AUTS2: variants seen among roughly 807,000 people sequenced by gnomAD.
The protein encoded by AUTS2 is activator of transcription and developmental regulator AUTS2.
Under a neutral mutation model 112.4 loss-of-function variants are expected in AUTS2, and 17 were observed. The observed-to-expected ratio is 0.15, with a 90% confidence interval of 0.10 to 0.23. The LOEUF (loss-of-function observed/expected upper bound fraction) is 0.23, where lower values mean the gene tolerates loss of function less well. Ranked by LOEUF, AUTS2 falls within the 10% of genes least tolerant of loss-of-function variation. The pLI is 1.00. For missense variants in AUTS2, 1,510 were observed against 1,701.6 expected (o/e 0.89, Z 1.98); for synonymous variants, 751 against 702.7 (o/e 1.07, Z -1.09).
At chr7:69,913,576 T>C (rs1795446688) in intron 2 of AUTS2, among the ~76,000 whole-genome samples, 1 of 152,174 alleles carries the variant, frequency 6.6e-6, no homozygotes, top group African/African-American at 2.4e-5. Flanking sequence ...ACAACACCCT[T>C]AAAACCACTG....
intron 1 of AUTS2, among the ~76,000 whole-genome samples, chr7:69,637,072 T>C (rs577465648): frequency 6.6e-6 from 1 of 152,298 alleles, no homozygotes; most frequent in African/African-American, 2.4e-5. Context: ...GCCTGTCCTA[T>C]AACATTTTAA....
rs1034488478 is a variant in AUTS2, at chr7:70,219,211, T to G, written c.660+84640T>G. Among the ~76,000 whole-genome samples, 3 of 152,220 alleles carry G rather than the reference T, an allele frequency of 2.0e-5. No individual in the cohort carries two copies. In the East Asian group the frequency reaches 5.8e-4, roughly 29 times the overall value. On this transcript the variant is annotated intron_variant, in intron 4 of 18. Coordinates refer to ENST00000342771, the MANE Select transcript of AUTS2 (RefSeq NM_015570.4). Reference sequence around the variant, plus strand: ...TAAAATCCAATGGAAAACATCTCTCTCATTGCTAGTGATACATTTTTATTT... The same window carrying G: ...TAAAATCCAATGGAAAACATCTCTCGCATTGCTAGTGATACATTTTTATTT...
intron 11 of AUTS2, among the ~76,000 whole-genome samples, chr7:70,773,749 C>G (rs565351762): frequency 1.1e-4 from 17 of 152,356 alleles, no homozygotes; most frequent in Non-Finnish European, 1.8e-4. Flanking sequence ...ACAGCATTTA[C>G]GTTTGTTGCT....
intron 8 of AUTS2, 101 bp downstream of exon 8, chr7:70,765,106 A>G (rs1789852636): frequency 1.9e-5 from 28 of 1,468,676 alleles, no homozygotes; most frequent in Non-Finnish European, 2.5e-5. Context: ...GCATTTGCCT[A>G]CAATTTTTTC....
intron 4 of AUTS2, among the ~76,000 whole-genome samples, chr7:70,256,532 G>A (rs1786880187): frequency 6.6e-6 from 1 of 152,202 alleles, no homozygotes; most frequent in Non-Finnish European, 1.5e-5. Flanking sequence ...TCTGTACGAG[G>A]AAGCAGTCTC....
intron 4 of AUTS2, among the ~76,000 whole-genome samples, chr7:70,137,214 T>C (rs1806611825): frequency 6.6e-6 from 1 of 152,196 alleles, no homozygotes; most frequent in African/African-American, 2.4e-5. Context: ...TACATAAGCA[T>C]ATTGCAAAGA....
At chr7:70,375,884 C>G (rs1288894745) in intron 4 of AUTS2, among the ~76,000 whole-genome samples, 1 of 152,038 alleles carries the variant, frequency 6.6e-6, no homozygotes, top group Non-Finnish European at 1.5e-5. Context: ...TCCTAAATAC[C>G]CCCAAACCAG....
intron 1 of AUTS2, among the ~76,000 whole-genome samples, chr7:69,806,942 C>G (rs933814889): frequency 1.4e-4 from 22 of 152,000 alleles, no homozygotes; most frequent in African/African-American, 5.1e-4. Flanking sequence ...TCCTTAGAGA[C>G]CTGTTCTTTC....
chr7:70,024,034 A>G (rs1800403722), intron 2 of AUTS2, among the ~76,000 whole-genome samples: 1 of 152,230 alleles, frequency 6.6e-6, no homozygotes, highest in Non-Finnish European at 1.5e-5. Context: ...CAGGGTAAGA[A>G]AGCACACACA....
intron 1 of AUTS2, among the ~76,000 whole-genome samples, chr7:69,837,939 C>T (rs1473461347): frequency 6.6e-6 from 1 of 152,152 alleles, no homozygotes; most frequent in African/African-American, 2.4e-5. Flanking sequence ...GCAGCCTCTG[C>T]CTGCAGCTAA....
intron 1 of AUTS2, among the ~76,000 whole-genome samples, chr7:69,807,497 T>C (rs1379053316): frequency 6.6e-6 from 1 of 152,180 alleles, no homozygotes; most frequent in Non-Finnish European, 1.5e-5. Flanking sequence ...AGACTCTTCA[T>C]CAGATTTGGT....
At chr7:70,450,995 C>T (rs1562963809) in intron 5 of AUTS2, among the ~76,000 whole-genome samples, 1 of 152,006 alleles carries the variant, frequency 6.6e-6, no homozygotes, top group Non-Finnish European at 1.5e-5. Context: ...TCAGGACCTT[C>T]AGCTGGATGA....
At chr7:69,606,124 C>T (rs1792701489) in intron 1 of AUTS2, among the ~76,000 whole-genome samples, 1 of 152,100 alleles carries the variant, frequency 6.6e-6, no homozygotes, top group Non-Finnish European at 1.5e-5. Flanking sequence ...GCCTTTGATC[C>T]TGAGAGTAGT....
chr7:69,801,190 A>G (rs1332497569), intron 1 of AUTS2, among the ~76,000 whole-genome samples: 1 of 150,534 alleles, frequency 6.6e-6, no homozygotes, highest in Non-Finnish European at 1.5e-5. Flanking sequence ...GCATAATAAA[A>G]CAATATGTTA....
In AUTS2 at chr7:70,770,174, A is replaced by G. The variant is rs192653054; in HGVS notation, c.1735-1375A>G. 2.6e-5 allele frequency among the ~76,000 whole-genome samples: 4 copies of G among 152,320 alleles called. No individual in the cohort carries two copies. In the East Asian group the frequency reaches 7.7e-4, roughly 29 times the overall value. Reference sequence around the variant, plus strand: ...ACATTATAAGGGGAATTAAGATGCAATGCACTCAAGTATCTAAAACACAAT... The same window carrying G: ...ACATTATAAGGGGAATTAAGATGCAGTGCACTCAAGTATCTAAAACACAAT... On this transcript the variant is annotated intron_variant, in intron 10 of 18. Coordinates refer to ENST00000342771, the MANE Select transcript of AUTS2 (RefSeq NM_015570.4).
intron 4 of AUTS2, among the ~76,000 whole-genome samples, chr7:70,370,329 C>T (rs902077383): frequency 6.6e-6 from 1 of 152,138 alleles, no homozygotes; most frequent in African/African-American, 2.4e-5. Flanking sequence ...CTTCCTTGCC[C>T]ATTCCACTGC....
chr7:70,326,089 A>G (rs1198161143), intron 4 of AUTS2, among the ~76,000 whole-genome samples: 2 of 152,140 alleles, frequency 1.3e-5, no homozygotes, highest in African/African-American at 2.4e-5. Context: ...TAGAGAGGCA[A>G]TCACAGTCCC....
intron 4 of AUTS2, among the ~76,000 whole-genome samples, chr7:70,378,525 CA>C (rs1793221252): frequency 6.6e-6 from 1 of 152,118 alleles, no homozygotes; most frequent in Non-Finnish European, 1.5e-5. Context: ...ACTTAAGGCC[CA>C]CAGAATATGT....
intron 5 of AUTS2, among the ~76,000 whole-genome samples, chr7:70,687,125 C>T (rs1311770635): frequency 1.3e-5 from 2 of 152,134 alleles, no homozygotes; most frequent in African/African-American, 4.8e-5. Flanking sequence ...AGGCAGGATG[C>T]GTACCTGGAC....
Sources: gnomAD v4.1 joint callset for allele counts (sites outside exome capture counted in the v4.1 genomes callset) on GRCh38, gnomAD v4.1.1 for gene constraint, MANE v1.5 for transcripts, NCBI Gene and HGNC (gene_info 2026-07-23, HGNC 2026-07-21) for gene names.